Variants in CACNA1C observed in about 807,000 individuals in gnomAD.
The protein encoded by CACNA1C is calcium voltage-gated channel subunit alpha1 C.
Under a neutral mutation model 229.0 loss-of-function variants are expected in CACNA1C, and 30 were observed. The ratio of observed to expected loss-of-function variants is 0.13; its 90% CI spans 0.10 to 0.18. CACNA1C has a LOEUF of 0.18. Among genes scored for constraint, CACNA1C ranks in the 10% least tolerant of loss-of-function variants. The pLI, the probability that CACNA1C is intolerant of heterozygous loss-of-function variation, is 1.00. For synonymous variants in CACNA1C, 1,114 were observed against 1,132.5 expected (o/e 0.98, Z 0.33); for missense variants, 1,658 against 2,845.0 (o/e 0.58, Z 9.49).
rs151082710 is a variant in CACNA1C, at chr12:2,410,629, CTGTG to C, written c.478-38332_478-38329del. Among the ~76,000 whole-genome samples the C allele has an allele frequency of 3.4e-5, 5 of 147,352 alleles. No homozygotes were observed. The highest frequency in any genetic ancestry group is 4.3e-4 in the South Asian group (2 of 4,678). ...GACTCTAGCTGTGAGGATGGCTCGCCTGTGTGTGTGTGTGTGTGCATGCGTGTGT... is the reference window on the plus strand; with the variant it reads ...GACTCTAGCTGTGAGGATGGCTCGCCTGTGTGTGTGTGTGCATGCGTGTGT... On this transcript the variant is annotated intron_variant, in intron 3 of 46. Coordinates refer to ENST00000399655, the MANE Select transcript of CACNA1C (RefSeq NM_000719.7). This position sits in a 1 kb window ranked among gnomAD's most constrained non-coding sequence, Gnocchi z 5.3.
At chr12:2,487,440 A>C (rs891765790) in intron 6 of CACNA1C, among the ~76,000 whole-genome samples, 1 of 146,830 alleles carries the variant, frequency 6.8e-6, no homozygotes, top group African/African-American at 2.6e-5. Flanking sequence ...TCTATGTATG[A>C]TCTAGTATGA....
intron 3 of CACNA1C, among the ~76,000 whole-genome samples, chr12:2,445,487 G>A (rs944310302): frequency 5.3e-5 from 8 of 152,306 alleles, no homozygotes; most frequent in Non-Finnish European, 1.0e-4. Flanking sequence ...CATGTTCTAT[G>A]CCAGGATGCA....
In CACNA1C at chr12:2,356,615, GA is replaced by G. The variant is rs527738704; in HGVS notation, c.478-92355del. The stretch of plus-strand genomic sequence containing the variant: ...TTTGTGTGAGCACTCTGGTGAGGCA[GA>G]AAAAACATGACCTGAAGAGGCAGAT... On this transcript the variant is annotated intron_variant, in intron 3 of 46. Transcript: ENST00000399655. Among the ~76,000 whole-genome samples the G allele has an allele frequency of 7.2e-5, 11 of 152,366 alleles. No homozygotes were observed. In the South Asian group the frequency reaches 2.3e-3, roughly 32 times the overall value.
chr12:2,383,364 G>A (rs962896130), intron 3 of CACNA1C, among the ~76,000 whole-genome samples: 5 of 152,126 alleles, frequency 3.3e-5, no homozygotes, highest in Non-Finnish European at 7.4e-5. Context: ...TGGAATAATC[G>A]TAACCACTCC....
intron 3 of CACNA1C, among the ~76,000 whole-genome samples, chr12:2,325,882 GGACTTCCTTCA>G (rs761515771): frequency 3.4e-4 from 52 of 152,298 alleles, no homozygotes; most frequent in Non-Finnish European, 6.8e-4. Flanking sequence ...GACTGAAATA[GGACTTCCTTCA>G]GACATCGCCA....
Position 2,595,479 on chromosome 12 carries a change from G to A in CACNA1C, c.2664-395G>A, listed in dbSNP as rs2067693349. On this transcript the variant is annotated intron_variant, in intron 19 of 46. Coordinates refer to ENST00000399655, the MANE Select transcript of CACNA1C (RefSeq NM_000719.7). This position sits in a 1 kb window ranked among gnomAD's most constrained non-coding sequence, Gnocchi z 4.1. ...CACCTACAGAGAGCCGGTTTGGCTG[G>A]CCTCTCAGCATACCCAGCTCCGGGT... Among the ~76,000 whole-genome samples, 1 of 152,126 alleles carries A rather than the reference G, an allele frequency of 6.6e-6. No homozygotes were observed. Among genetic ancestry groups the A allele is most frequent in the Non-Finnish European group, 1.5e-5 (1 of 68,040 alleles).
At chr12:2,091,309 G>A (rs1019817670) in intron 1 of CACNA1C, among the ~76,000 whole-genome samples, 1 of 152,134 alleles carries the variant, frequency 6.6e-6, no homozygotes, top group Non-Finnish European at 1.5e-5. Context: ...TGAGAGGCTG[G>A]GTATGTTCAT....
chr12:2,595,573 A>G lies in CACNA1C; in HGVS notation c.2664-301A>G, dbSNP rs1439745108. On this transcript the variant is annotated intron_variant, in intron 19 of 46. Transcript: ENST00000399655. The surrounding 1 kb of genome is among the most constrained non-coding windows in gnomAD (Gnocchi z 4.1). ...AAGTGATTTCTTTTCAATGATAGGG[A>G]AAATAAGTCCCCAAACAAAAGCCAG... 6.6e-6 allele frequency among the ~76,000 whole-genome samples: 1 copy of G among 152,130 alleles called. No individual in the cohort carries two copies. Among genetic ancestry groups the G allele is most frequent in the Non-Finnish European group, 1.5e-5 (1 of 68,038 alleles).
At chr12:2,478,136 A>G (rs980918798) in intron 5 of CACNA1C, among the ~76,000 whole-genome samples, 1 of 152,126 alleles carries the variant, frequency 6.6e-6, no homozygotes, top group Non-Finnish European at 1.5e-5. Flanking sequence ...CCACCCATGG[A>G]CACAGCTCAC....
In CACNA1C at chr12:2,601,142, TA is replaced by T. The variant is rs1170340601; in HGVS notation, c.2854-711del. On this transcript the variant is annotated intron_variant, in intron 21 of 46. Transcript: ENST00000399655. This position sits in a 1 kb window ranked among gnomAD's most constrained non-coding sequence, Gnocchi z 5.9. ...TTTTGCCCTTAAAGAACTCCAGATG[TA>T]GTCTAGAAGCAGGACAGTAGAATTG... Among the ~76,000 whole-genome samples, 3 of 152,172 alleles carry T rather than the reference TA, an allele frequency of 2.0e-5. No individual in the cohort carries two copies. Among genetic ancestry groups the T allele is most frequent in the Non-Finnish European group, 4.4e-5 (3 of 68,028 alleles).
intron 6 of CACNA1C, among the ~76,000 whole-genome samples, chr12:2,487,591 T>C (rs1653994044): frequency 6.6e-6 from 1 of 151,522 alleles, no homozygotes; most frequent in African/African-American, 2.4e-5. Flanking sequence ...TGTTTTCACT[T>C]TTTGGATGGA....
intron 1 of CACNA1C, among the ~76,000 whole-genome samples, chr12:2,097,368 G>C (rs374938100): frequency 5.5e-4 from 84 of 151,944 alleles, no homozygotes; most frequent in East Asian, 7.8e-4. Flanking sequence ...GGATAGTCTC[G>C]ATCTCCTGAC....
Position 2,689,479 on chromosome 12 carries a change from G to A in CACNA1C, c.6117+700G>A, listed in dbSNP as rs887311941. On this transcript the variant is annotated intron_variant, in intron 46 of 46. Transcript: ENST00000399655. This position sits in a 1 kb window ranked among gnomAD's most constrained non-coding sequence, Gnocchi z 4.2. ...GCAACGGGTGGGATGGGGAAAGGGT[G>A]GCAGGCTCAGCCCACCAGCGGACAG... Among the ~76,000 whole-genome samples, 3 of 152,080 alleles carry A rather than the reference G, an allele frequency of 2.0e-5. No individual in the cohort carries two copies. The highest frequency in any genetic ancestry group is 7.2e-5 in the African/African-American group (3 of 41,402).
rs975894343 is a variant in CACNA1C at position 2,215,451 on chromosome 12, G to A, written c.477+95021G>A. ...GGGCCTGTTCCTCTGGGTGGGATGC[G>A]CTCTCCCTCCTCCTAGGCTTGGTTC... On this transcript the variant is annotated intron_variant, in intron 3 of 46. Coordinates refer to ENST00000399655, the MANE Select transcript of CACNA1C (RefSeq NM_000719.7). This position sits in a 1 kb window ranked among gnomAD's most constrained non-coding sequence, Gnocchi z 5.0. Among the ~76,000 whole-genome samples the A allele has an allele frequency of 1.8e-4, 27 of 152,212 alleles. No homozygotes were observed. Among genetic ancestry groups the A allele is most frequent in the African/African-American group, 5.1e-4 (21 of 41,524 alleles).
Position 2,211,471 on chromosome 12 carries a change from C to T in CACNA1C, c.477+91041C>T, listed in dbSNP as rs547873172. Among the ~76,000 whole-genome samples the T allele has an allele frequency of 1.1e-4, 16 of 152,326 alleles. 1 individual carries two copies. The South Asian group carries it at 2.5e-3, about 24-fold the overall frequency. On this transcript the variant is annotated intron_variant, in intron 3 of 46. Coordinates refer to ENST00000399655, the MANE Select transcript of CACNA1C (RefSeq NM_000719.7). The stretch of plus-strand genomic sequence containing the variant: ...AAGGCAAACTGGATAGCTGTTGCTG[C>T]TGTAGTTTTGTAAATCTATGACCCT...
chr12:2,186,103 G>T (rs2154290184), intron 3 of CACNA1C, among the ~76,000 whole-genome samples: 1 of 152,296 alleles, frequency 6.6e-6, no homozygotes. Flanking sequence ...TACGGGCTGT[G>T]GTTTTTGGTG....
At chr12:2,208,089 C>T (rs188189073) in intron 3 of CACNA1C, among the ~76,000 whole-genome samples, 5 of 152,246 alleles carry the variant, frequency 3.3e-5, no homozygotes, top group Admixed American at 6.5e-5. Flanking sequence ...CAACCACATA[C>T]GCCATGGCTC....
chr12:2,198,546 T>C (rs2097488563), intron 3 of CACNA1C, among the ~76,000 whole-genome samples: 1 of 152,218 alleles, frequency 6.6e-6, no homozygotes, highest in African/African-American at 2.4e-5. Flanking sequence ...CACCAAATTG[T>C]GAGGACTTCG....
chr12:2,294,321 A>T (rs1296072802), intron 3 of CACNA1C, among the ~76,000 whole-genome samples: 1 of 151,792 alleles, frequency 6.6e-6, no homozygotes, highest in Admixed American at 6.6e-5. Flanking sequence ...GGCCCATAGC[A>T]TGAGGCACGG....
Sources: allele counts gnomAD v4.1 joint callset (sites outside exome capture counted in the v4.1 genomes callset), GRCh38; gene constraint gnomAD v4.1.1; non-coding constraint Gnocchi (gnomAD v3.1); transcripts MANE v1.5; gene names NCBI Gene and HGNC (gene_info 2026-07-23, HGNC 2026-07-21).